The following ADORA1 variants were observed in gnomAD, a reference collection of about 807,000 sequenced individuals.
ADORA1 encodes adenosine A1 receptor.
Under a neutral mutation model 19.9 loss-of-function variants are expected in ADORA1, and 6 were observed. The observed-to-expected ratio is 0.30, with a 90% CI of 0.17 to 0.59. ADORA1 has a LOEUF of 0.59. Ranked by LOEUF, ADORA1 falls within the 20% of genes least tolerant of loss-of-function variation. The pLI, the probability that ADORA1 is intolerant of heterozygous loss-of-function variation, is 0.87. For missense variants in ADORA1, 302 were observed against 439.2 expected, an observed-to-expected ratio of 0.69 and a Z score of 2.79; for synonymous variants, 194 against 188.4, an observed-to-expected ratio of 1.03 and a Z score of -0.24.
At chr1:203,145,246 AC>A (rs1219298204) in intron 3 of ADORA1, among the ~76,000 whole-genome samples, 1 of 152,226 alleles carries the variant, frequency 6.6e-6, no homozygotes, top group Non-Finnish European at 1.5e-5. Flanking sequence ...TGGCCAGGGG[AC>A]GAGAAAAGTG....
intron 3 of ADORA1, among the ~76,000 whole-genome samples, chr1:203,135,571 T>C (rs1654478898): frequency 6.6e-6 from 1 of 151,496 alleles, no homozygotes; most frequent in Non-Finnish European, 1.5e-5. Flanking sequence ...GGCAGGAGAA[T>C]TGCATGAATC....
Position 203,128,325 on chromosome 1 carries a change from G to GCGC in ADORA1, c.-164_-162dup, listed in dbSNP as rs1209506867. 8.5e-6 allele frequency: 11 copies of GCGC among 1,287,490 alleles called. No individual in the cohort carries two copies. The highest frequency in any genetic ancestry group is 1.1e-5 in the Non-Finnish European group (11 of 987,470). The allele number at this position is 1,287,490 out of a possible 1,614,324, so 79.8% of individuals were successfully genotyped here. A position where few individuals can be genotyped will look rare whatever the true frequency, so the allele number is the denominator to read the frequency against. ...GGGAGCCGGAGGACTATGAGCTGCC[G>GCGC]CGCGTTGTCCAGAGCCCAGCCCAGC... On this transcript the variant is annotated 5_prime_UTR_variant, in exon 2 of 4. Coordinates refer to ENST00000337894, the MANE Select transcript of ADORA1 (RefSeq NM_000674.3). The surrounding 1 kb of genome is among the most constrained non-coding windows in gnomAD (Gnocchi z 5.9).
intron 3 of ADORA1, among the ~76,000 whole-genome samples, chr1:203,142,500 G>T (rs975792122): frequency 6.6e-6 from 1 of 152,192 alleles, no homozygotes; most frequent in Non-Finnish European, 1.5e-5. Flanking sequence ...TTTTATATTC[G>T]CCTACAGAAG....
At chr1:203,156,337 C>T (rs908992094) in intron 3 of ADORA1, among the ~76,000 whole-genome samples, 1 of 152,120 alleles carries the variant, frequency 6.6e-6, no homozygotes, top group Admixed American at 6.5e-5. Flanking sequence ...TCAGGAGAGT[C>T]AGGAATCTTC....
rs1413308354 is a variant in ADORA1 at position 203,166,433 on chromosome 1, A to G, written c.*533A>G. The G allele has an allele frequency of 6.6e-6, 1 of 152,506 alleles. No individual in the cohort carries two copies. Among genetic ancestry groups the G allele is most frequent in the East Asian group, 1.9e-4 (1 of 5,196 alleles). 9.4% of individuals were successfully genotyped at this position (152,506 alleles called of 1,614,324 possible). On this transcript the variant is annotated 3_prime_UTR_variant, in exon 4 of 4. Coordinates refer to ENST00000337894, the MANE Select transcript of ADORA1 (RefSeq NM_000674.3). ...TAGGAGAGACTGGCCAGAGGCAGCT[A>G]AGGGGCAGGAATCAAGGAGCCTCCG... is the stretch of plus-strand genomic sequence containing the variant.
chr1:203,133,378 G>A (rs960629231), intron 3 of ADORA1, among the ~76,000 whole-genome samples: 1 of 152,152 alleles, frequency 6.6e-6, no homozygotes, highest in African/African-American at 2.4e-5. Context: ...GCTTCCCAAA[G>A]TGCTGGGATT....
At chr1:203,145,737 A>G (rs1654838359) in intron 3 of ADORA1, among the ~76,000 whole-genome samples, 1 of 152,230 alleles carries the variant, frequency 6.6e-6, no homozygotes, top group Non-Finnish European at 1.5e-5. Context: ...TGTAGCCACC[A>G]TCTCTCTCCA....
At chr1:203,141,776 T>A (rs1654703060) in intron 3 of ADORA1, among the ~76,000 whole-genome samples, 2 of 151,690 alleles carry the variant, frequency 1.3e-5, no homozygotes, top group African/African-American at 4.8e-5. Flanking sequence ...AGAGATGGAG[T>A]TTCACCATGT....
intron 3 of ADORA1, among the ~76,000 whole-genome samples, chr1:203,143,384 C>T (rs1415409681): frequency 6.6e-6 from 1 of 152,218 alleles, no homozygotes; most frequent in African/African-American, 2.4e-5. Flanking sequence ...ACCCCACCTC[C>T]AAATGCCATC....
At chr1:203,138,211 G>T (rs994215670) in intron 3 of ADORA1, among the ~76,000 whole-genome samples, 4 of 152,176 alleles carry the variant, frequency 2.6e-5, no homozygotes, top group African/African-American at 9.7e-5. Flanking sequence ...GTGGTGGAAG[G>T]AAGAAAATGA....
At chr1:203,154,457 G>A (rs1655132248) in intron 3 of ADORA1, among the ~76,000 whole-genome samples, 1 of 152,194 alleles carries the variant, frequency 6.6e-6, no homozygotes, top group Non-Finnish European at 1.5e-5. Flanking sequence ...GGAGAGTGAA[G>A]TAACCCAGAG....
intron 3 of ADORA1, among the ~76,000 whole-genome samples, chr1:203,130,765 C>T (rs1187281710): frequency 1.3e-5 from 2 of 152,228 alleles, no homozygotes; most frequent in African/African-American, 2.4e-5. Context: ...CCAAAGGTCC[C>T]GTCTTGCTGT....
chr1:203,155,930 C>A (rs572744109), intron 3 of ADORA1, among the ~76,000 whole-genome samples: 9 of 152,384 alleles, frequency 5.9e-5, no homozygotes, highest in African/African-American at 2.2e-4. Flanking sequence ...CCTTTCTAAT[C>A]TGACTGTCTC....
rs1279353730 is a variant in ADORA1 at position 203,165,779 on chromosome 1, T to G, written c.860T>G (p.Val287Gly). 6.2e-7 allele frequency: 1 copy of G among 1,613,702 alleles called. No homozygotes were observed. The highest frequency in any genetic ancestry group is 1.3e-5 in the African/African-American group (1 of 74,928). The stretch of plus-strand genomic sequence containing the variant: ...GGCAACTCGGCCATGAACCCCATTG[T>G]CTATGCCTTCCGCATCCAGAAGTTC... The part of the protein sequence containing the change: ...THGNSAMNPI[V>G]YAFRIQKFRV... Residue 287 changes from valine to glycine, a missense_variant, in exon 4 of 4, where the codon GTC becomes GGC. Coordinates refer to ENST00000337894, the MANE Select transcript of ADORA1 (RefSeq NM_000674.3). The surrounding 1 kb of genome is among the most constrained non-coding windows in gnomAD (Gnocchi z 5.9).
intron 3 of ADORA1, among the ~76,000 whole-genome samples, chr1:203,137,460 T>G (rs1208581583): frequency 6.6e-6 from 1 of 152,220 alleles, no homozygotes; most frequent in Non-Finnish European, 1.5e-5. Flanking sequence ...TGACATGATC[T>G]GACTTAGGCT....
chr1:203,160,037 C>G (rs936184847), intron 3 of ADORA1, among the ~76,000 whole-genome samples: 7 of 152,224 alleles, frequency 4.6e-5, no homozygotes, highest in African/African-American at 1.4e-4. Flanking sequence ...TTCTCCTGCT[C>G]CAAGCTTCCA....
chr1:203,142,428 G>A (rs1654725135), intron 3 of ADORA1, among the ~76,000 whole-genome samples: 1 of 152,242 alleles, frequency 6.6e-6, no homozygotes, highest in Non-Finnish European at 1.5e-5. Flanking sequence ...TGCTCCAATG[G>A]AGGAAGGACA....
At chr1:203,143,213 T>C (rs1290124835) in intron 3 of ADORA1, among the ~76,000 whole-genome samples, 2 of 152,200 alleles carry the variant, frequency 1.3e-5, no homozygotes, top group Non-Finnish European at 2.9e-5. Flanking sequence ...TGCTGGGGTC[T>C]GATGAGGGCC....
chr1:203,153,323 C>T (rs773261254), intron 3 of ADORA1, among the ~76,000 whole-genome samples: 6 of 152,142 alleles, frequency 3.9e-5, no homozygotes, highest in African/African-American at 1.2e-4. Flanking sequence ...TCACGTCCAG[C>T]GCTCAGAAAG....
Sources: gnomAD v4.1 joint callset for allele counts (sites outside exome capture counted in the v4.1 genomes callset) on GRCh38, gnomAD v4.1.1 for gene constraint, Gnocchi (gnomAD v3.1) non-coding constraint, MANE v1.5 for transcripts, NCBI Gene and HGNC (gene_info 2026-07-23, HGNC 2026-07-21) for gene names.